ALG1L2: variants seen among roughly 807,000 people sequenced by gnomAD.
The protein encoded by ALG1L2 is putative glycosyltransferase ALG1L2.
ALG1L2 carries 32 observed loss-of-function variants against 29.0 expected under a neutral mutation model. The observed-to-expected ratio is 1.10, with a 90% CI of 0.83 to 1.48. The LOEUF is 1.48. Ranked by LOEUF, ALG1L2 falls within the 40% of genes most tolerant of loss-of-function variation. The pLI, the probability that ALG1L2 is intolerant of heterozygous loss-of-function variation, is 0.00. For synonymous variants in ALG1L2, 110 were observed against 109.5 expected (o/e 1.00, Z -0.03); for missense variants, 318 against 274.1 (o/e 1.16, Z -1.13).
At chr3:130,093,745 A>G (rs1266415953) in intron 4 of ALG1L2, among the ~76,000 whole-genome samples, 1 of 152,108 alleles carries the variant, frequency 6.6e-6, no homozygotes, top group Non-Finnish European at 1.5e-5. Flanking sequence ...GCCTTAACCA[A>G]GCTTCTTTTA....
intron 1 of ALG1L2, chr3:130,090,980 TCTGTC>T (rs1935001784): frequency 2.4e-6 from 1 of 425,222 alleles, no homozygotes; most frequent in African/African-American, 2.0e-5. Flanking sequence ...GTGTGTCTTA[TCTGTC>T]CTGTTGTCCA....
chr3:130,089,235 C>T (rs1180828062), intron 1 of ALG1L2, among the ~76,000 whole-genome samples: 2 of 151,584 alleles, frequency 1.3e-5, no homozygotes, highest in East Asian at 1.9e-4. Flanking sequence ...TCCACTGGTC[C>T]CTTTGTGAGG....
rs147691643 is a variant in ALG1L2, at chr3:130,092,993, G to A, written c.254-108G>A. The A allele has an allele frequency of 1.9e-3, 2,118 of 1,122,086 alleles. 23 individuals are homozygous for A. The African/African-American group carries it at 0.033, about 18-fold the overall frequency. The allele number at this position is 1,122,086 out of a possible 1,614,324, so 69.5% of individuals were successfully genotyped here. On this transcript the variant is annotated intron_variant, in intron 3 of 7. Coordinates refer to ENST00000425059, the MANE Select transcript of ALG1L2 (RefSeq NM_001136152.1). ...TGCAGTGAGCTGAGATCATGCCATT[G>A]CATTCCAGCCTGGGTGACAGAGCGA...
intron 3 of ALG1L2, among the ~76,000 whole-genome samples, chr3:130,092,833 C>T (rs2929778): frequency 0.25 from 37,355 of 151,930 alleles, 5,312 homozygotes; most frequent in East Asian, 0.57. Flanking sequence ...GAGTTTGAGA[C>T]CAACCTGGCC....
chr3:130,096,296 G>A (rs9864424), intron 6 of ALG1L2, 133 bp downstream of exon 6: 271,053 of 975,966 alleles, frequency 0.28, 37,627 homozygotes, highest in Middle Eastern at 0.31. Context: ...GAGGCCACGA[G>A]GAGGAGCCCT....
intron 1 of ALG1L2, among the ~76,000 whole-genome samples, chr3:130,084,948 T>C (rs1934859950): frequency 1.6e-5 from 1 of 61,228 alleles, no homozygotes; most frequent in African/African-American, 5.8e-5. Context: ...ATATATATAA[T>C]TTTATTTATT....
chr3:130,082,718 AC>A (rs1934815465), intron 1 of ALG1L2, among the ~76,000 whole-genome samples: 2 of 148,748 alleles, frequency 1.3e-5, no homozygotes, highest in Admixed American at 6.8e-5. Flanking sequence ...AATATGAGTT[AC>A]CCCCGTCCCT....
intron 4 of ALG1L2, 86 bp from the exon 5 acceptor site, chr3:130,094,317 C>T: frequency 1.3e-6 from 2 of 1,504,060 alleles, no homozygotes; most frequent in Non-Finnish European, 1.8e-6. Context: ...GAAAAGGATC[C>T]CTCCTAGGGG....
chr3:130,094,503 C>T lies in ALG1L2; in HGVS notation c.414C>T (p.Pro138=), dbSNP rs1455346973. 2.5e-6 allele frequency: 4 copies of T among 1,595,736 alleles called. No homozygotes were observed. The highest frequency in any genetic ancestry group is 2.2e-5 in the South Asian group (2 of 90,970). The part of the protein sequence containing the change: ...CIPWLEGRGL[P]PLLGSVDLDV... Reference sequence around the variant, plus strand: ...CCTGGCTGGAGGGCCGAGGACTACCCCCGCTTCTAGGTGAGAGGCCAGCAG... The same window carrying T: ...CCTGGCTGGAGGGCCGAGGACTACCTCCGCTTCTAGGTGAGAGGCCAGCAG... Residue 138 remains proline, a synonymous_variant, in exon 5 of 8, where the codon CCC becomes CCT. Coordinates refer to ENST00000425059, the MANE Select transcript of ALG1L2 (RefSeq NM_001136152.1).
rs1935158243 is a variant in ALG1L2 at position 130,097,167 on chromosome 3, C to T, written c.540-8C>T. The T allele has an allele frequency of 1.2e-6, 2 of 1,611,786 alleles. No homozygotes were observed. Among genetic ancestry groups the T allele is most frequent in the African/African-American group, 2.7e-5 (2 of 74,866 alleles). ...GAAACTCTCGGGCTCCTTTTGTTCT[C>T]TCTGCAGTTTACATGAGCTGGTGAA... On this transcript the variant is annotated splice_polypyrimidine_tract_variant and splice_region_variant and intron_variant, in intron 6 of 7. Coordinates refer to ENST00000425059, the MANE Select transcript of ALG1L2 (RefSeq NM_001136152.1).
chr3:130,085,972 C>T (rs1934880481), intron 1 of ALG1L2, among the ~76,000 whole-genome samples: 1 of 151,440 alleles, frequency 6.6e-6, no homozygotes, highest in Non-Finnish European at 1.5e-5. Flanking sequence ...CAACCACAGG[C>T]AGACATACTG....
At chr3:130,095,911 A>T in intron 5 of ALG1L2, 138 bp from the exon 6 acceptor site, 8 of 851,558 alleles carry the variant, frequency 9.4e-6, no homozygotes, top group Non-Finnish European at 1.5e-5. Context: ...TGGCCAGCTT[A>T]AGCCACTTGT....
At chr3:130,092,705 T>C (rs1935043636) in intron 3 of ALG1L2, among the ~76,000 whole-genome samples, 1 of 152,214 alleles carries the variant, frequency 6.6e-6, no homozygotes, top group South Asian at 2.1e-4. Context: ...TTTCTCCACC[T>C]GACCAGGGGA....
intron 5 of ALG1L2, 35 bp downstream of exon 5, chr3:130,094,548 G>T: frequency 1.3e-6 from 2 of 1,561,982 alleles, no homozygotes; most frequent in Non-Finnish European, 1.7e-6. Context: ...GGAGGAGGCG[G>T]GGCCTTATGC....
intron 5 of ALG1L2, among the ~76,000 whole-genome samples, chr3:130,095,466 G>C (rs533770294): frequency 1.3e-5 from 2 of 150,824 alleles, no homozygotes; most frequent in African/African-American, 4.9e-5. Context: ...ACGGAGTTTC[G>C]CTCCTGTAGC....
intron 6 of ALG1L2, among the ~76,000 whole-genome samples, chr3:130,096,872 G>T (rs1483849855): frequency 2.0e-5 from 3 of 152,222 alleles, no homozygotes; most frequent in Middle Eastern, 3.4e-3. Context: ...TTGTTCCTTG[G>T]CCATGGAATT....
intron 6 of ALG1L2, among the ~76,000 whole-genome samples, chr3:130,096,482 G>A (rs908293393): frequency 1.3e-5 from 2 of 151,948 alleles, no homozygotes; most frequent in Admixed American, 1.3e-4. Context: ...ACTTCACTCG[G>A]GGCTTTTGCT....
intron 1 of ALG1L2, among the ~76,000 whole-genome samples, chr3:130,084,627 C>T (rs1934852792): frequency 7.6e-6 from 1 of 131,276 alleles, no homozygotes; most frequent in African/African-American, 2.6e-5. Flanking sequence ...GTATTAAATG[C>T]CTCAGTCTGC....
intron 2 of ALG1L2, among the ~76,000 whole-genome samples, chr3:130,091,603 G>A (rs188472742): frequency 4.5e-4 from 68 of 152,300 alleles, no homozygotes; most frequent in Admixed American, 1.8e-3. Flanking sequence ...TTGCAACAGA[G>A]AACCTGTGGC....
Sources: gnomAD v4.1 joint callset for allele counts (sites outside exome capture counted in the v4.1 genomes callset) on GRCh38, gnomAD v4.1.1 for gene constraint, MANE v1.5 for transcripts, NCBI Gene and HGNC (gene_info 2026-07-23, HGNC 2026-07-21) for gene names.